Variants in ANO3 observed in about 807,000 individuals in gnomAD.
ANO3 encodes the protein anoctamin 3.
ANO3 carries 99 observed loss-of-function variants against 144.8 expected under a neutral mutation model. The ratio of observed to expected loss-of-function variants is 0.68; its 90% CI spans 0.58 to 0.81. The LOEUF (loss-of-function observed/expected upper bound fraction) is 0.81, where lower values mean the gene tolerates loss of function less well. ANO3 is among the 30% of genes least tolerant of loss of function. ANO3 has a pLI of 0.00. For synonymous variants in ANO3, 414 were observed against 392.6 expected (o/e 1.05, Z -0.64); for missense variants, 905 against 1,202.2 (o/e 0.75, Z 3.66).
At chr11:26,222,659 CTTCT>C (rs1852171108) in intron 1 of ANO3, among the ~76,000 whole-genome samples, 1 of 152,236 alleles carries the variant, frequency 6.6e-6, no homozygotes, top group Non-Finnish European at 1.5e-5. Flanking sequence ...AGCTGCCATG[CTTCT>C]TTAAGTCTTG....
Position 26,510,014 on chromosome 11 carries a change from G to A in ANO3, c.591+1752G>A, listed in dbSNP as rs144891334. The stretch of plus-strand genomic sequence containing the variant: ...CTGGTCGTGGTGGCGCGTTCCTGTA[G>A]TCCCAGCTACTCTGGAGGCTGAGGC... On this transcript the variant is annotated intron_variant, in intron 5 of 26. Transcript: ENST00000256737. 9.3e-3 allele frequency among the ~76,000 whole-genome samples: 1,408 copies of A among 151,626 alleles called. 19 individuals carry two copies. The highest frequency in any genetic ancestry group is 0.028 in the African/African-American group (1,159 of 41,346).
At chr11:26,197,327 G>T (rs1220471050) in intron 1 of ANO3, among the ~76,000 whole-genome samples, 1 of 151,778 alleles carries the variant, frequency 6.6e-6, no homozygotes, top group Non-Finnish European at 1.5e-5. Flanking sequence ...AAACTATATG[G>T]GTAGTTTAAT....
intron 14 of ANO3, chr11:26,567,031 A>G: frequency 1.4e-6 from 2 of 1,475,670 alleles, no homozygotes; most frequent in Non-Finnish European, 1.8e-6. Flanking sequence ...AGTTTACAGT[A>G]TCATCTTATT....
intron 3 of ANO3, among the ~76,000 whole-genome samples, chr11:26,449,771 G>C (rs1234364795): frequency 2.0e-5 from 3 of 149,376 alleles, no homozygotes; most frequent in Admixed American, 6.6e-5. Context: ...TTTTTCTTTT[G>C]AGATGGTATT....
chr11:26,311,584 G>C (rs984959522), intron 1 of ANO3, among the ~76,000 whole-genome samples: 2 of 152,204 alleles, frequency 1.3e-5, no homozygotes, highest in African/African-American at 4.8e-5. Context: ...TGTAGGTGAA[G>C]ATATTACTAA....
intron 1 of ANO3, among the ~76,000 whole-genome samples, chr11:26,317,379 A>G (rs1339234436): frequency 1.3e-5 from 2 of 152,136 alleles, no homozygotes; most frequent in South Asian, 4.1e-4. Context: ...AAGGGCTAAT[A>G]TCCAGGATCT....
At position 26,359,876 on chromosome 11, in the gene ANO3, A is replaced by AGTGTGTGTGTGT. The variant is rs142194688; in HGVS notation, c.46+27568_46+27579dup. Among the ~76,000 whole-genome samples, 1,454 of 149,486 alleles carry AGTGTGTGTGTGT rather than the reference A, an allele frequency of 9.7e-3. 18 individuals are homozygous for AGTGTGTGTGTGT. Among genetic ancestry groups the AGTGTGTGTGTGT allele is most frequent in the African/African-American group, 0.031 (1,274 of 40,634 alleles). ...GGTCAGAGTGGAACTATGTCAGACT[A>AGTGTGTGTGTGT]GTGTGTGTGTGTGTGTGTGTGTGTA... On this transcript the variant is annotated intron_variant, in intron 1 of 26. Coordinates refer to ENST00000256737, the MANE Select transcript of ANO3 (RefSeq NM_031418.4).
At chr11:26,538,136 A>G (rs563551794) in intron 10 of ANO3, among the ~76,000 whole-genome samples, 6 of 152,330 alleles carry the variant, frequency 3.9e-5, no homozygotes, top group Admixed American at 3.9e-4. Flanking sequence ...GGTACGACCA[A>G]TAGTAGATAA....
chr11:26,271,599 T>C (rs1853439689), intron 1 of ANO3, among the ~76,000 whole-genome samples: 1 of 152,166 alleles, frequency 6.6e-6, no homozygotes, highest in Non-Finnish European at 1.5e-5. Flanking sequence ...TGTCTTATTG[T>C]CCTGTTTTTA....
chr11:26,307,310 C>T (rs1436620566), upstream of ANO3, among the ~76,000 whole-genome samples: 1 of 152,018 alleles, frequency 6.6e-6, no homozygotes, highest in Non-Finnish European at 1.5e-5. Context: ...GCTAAGATTG[C>T]GTCATTGCAC....
intron 1 of ANO3, among the ~76,000 whole-genome samples, chr11:26,388,960 A>G (rs1856806338): frequency 1.3e-5 from 2 of 152,144 alleles, no homozygotes; most frequent in South Asian, 2.1e-4. Context: ...TAGATTCTGT[A>G]TTATGTTTGA....
chr11:26,660,294 A>C lies in ANO3; in HGVS notation c.2796A>C (p.Ala932=). The C allele has an allele frequency of 6.2e-7, 1 of 1,613,328 alleles. No individual in the cohort carries two copies. Among genetic ancestry groups the C allele is most frequent in the Non-Finnish European group, 8.5e-7 (1 of 1,179,572 alleles). ...TTTTTGGGATTAAGTCATTCATCGCATACCTGATTCCAGACGTACCAAAGG... is the reference window on the plus strand; with the variant it reads ...TTTTTGGGATTAAGTCATTCATCGCCTACCTGATTCCAGACGTACCAAAGG... ...HLVFGIKSFI[A]YLIPDVPKGL... Residue 932 remains alanine (A), a synonymous_variant, in exon 27 of 27, where the codon GCA becomes GCC. Transcript: ENST00000256737.
chr11:26,273,567 T>G (rs1490656059), intron 1 of ANO3, among the ~76,000 whole-genome samples: 1 of 151,786 alleles, frequency 6.6e-6, no homozygotes, highest in Non-Finnish European at 1.5e-5. Context: ...ATGGATGTTT[T>G]GCATGCCTTC....
chr11:26,657,778 T>C (rs899507696), intron 26 of ANO3, among the ~76,000 whole-genome samples: 1 of 152,196 alleles, frequency 6.6e-6, no homozygotes, highest in African/African-American at 2.4e-5. Flanking sequence ...TTTTACTGTT[T>C]TTAGATATAT....
chr11:26,438,596 AAAAAAAAAAAAAG>A (rs1858381906), intron 1 of ANO3, among the ~76,000 whole-genome samples: 3 of 132,204 alleles, frequency 2.3e-5, no homozygotes, highest in African/African-American at 5.3e-5. Flanking sequence ...AAAATACAAA[AAAAAAAAAAAAAG>A]AAAAAAAAAA....
At chr11:26,470,426 CAG>C (rs1376046991) in intron 4 of ANO3, among the ~76,000 whole-genome samples, 3 of 136,254 alleles carry the variant, frequency 2.2e-5, no homozygotes, top group Non-Finnish European at 3.2e-5. Context: ...AAAAAAAAAA[CAG>C]AAAAAAAAAA....
intron 4 of ANO3, among the ~76,000 whole-genome samples, chr11:26,501,626 C>T (rs1861197471): frequency 6.6e-6 from 1 of 152,172 alleles, no homozygotes; most frequent in Non-Finnish European, 1.5e-5. Context: ...TACATGAAGA[C>T]TTGCAGGACA....
intron 21 of ANO3, 111 bp downstream of exon 21, chr11:26,639,352 T>A: frequency 1.4e-6 from 1 of 730,262 alleles, no homozygotes; most frequent in Non-Finnish European, 2.4e-6. Context: ...AAATGATGGC[T>A]CAATTCCTGT....
chr11:26,487,378 G>A (rs994141165), intron 4 of ANO3, among the ~76,000 whole-genome samples: 1 of 152,210 alleles, frequency 6.6e-6, no homozygotes, highest in Non-Finnish European at 1.5e-5. Context: ...TAGGCATGTG[G>A]AACTGTAAGT....
Sources: gnomAD v4.1 joint callset for allele counts (sites outside exome capture counted in the v4.1 genomes callset) on GRCh38, gnomAD v4.1.1 for gene constraint, MANE v1.5 for transcripts, NCBI Gene and HGNC (gene_info 2026-07-23, HGNC 2026-07-21) for gene names.